The following HMGN5 variants were observed in gnomAD, a reference collection of about 807,000 sequenced individuals.
HMGN5 encodes high mobility group nucleosome-binding domain-containing protein 5.
A neutral mutation model predicts 9.5 loss-of-function variants in HMGN5; 4 were observed. The observed-to-expected ratio is 0.42, with a 90% CI of 0.21 to 0.96. HMGN5 has a LOEUF of 0.96. Among genes scored for constraint, HMGN5 ranks in the 40% least tolerant of loss-of-function variants. HMGN5 has a pLI of 0.30. For missense variants in HMGN5, 192 were observed against 187.5 expected, an observed-to-expected ratio of 1.02 and a Z score of -0.14; for synonymous variants, 55 against 57.1, an observed-to-expected ratio of 0.96 and a Z score of 0.16.
intron 1 of HMGN5, among the ~76,000 whole-genome samples, chrX:81,186,775 A>G (rs915749976): frequency 1.1e-4 from 12 of 111,485 alleles, no homozygotes; most frequent in African/African-American, 3.9e-4. Flanking sequence ...TAAAATAAGC[A>G]CATCTTTACA....
chrX:81,137,369 T>C (rs890327071), intron 1 of HMGN5, among the ~76,000 whole-genome samples: 1 of 111,784 alleles, frequency 8.9e-6, no homozygotes, highest in African/African-American at 3.2e-5. Flanking sequence ...ATTGAAATGA[T>C]ACAGATATGT....
At chrX:81,149,894 C>T (rs2075356065) in intron 1 of HMGN5, among the ~76,000 whole-genome samples, 1 of 111,796 alleles carries the variant, frequency 8.9e-6, no homozygotes, top group Non-Finnish European at 1.9e-5. Context: ...ACCTGGAGCA[C>T]CTGGATTTAT....
intron 1 of HMGN5, among the ~76,000 whole-genome samples, chrX:81,172,710 A>C (rs987141270): frequency 2.7e-5 from 3 of 111,217 alleles, no homozygotes; most frequent in African/African-American, 6.5e-5. Context: ...CAAAAAATTT[A>C]CATGATCATA....
chrX:81,117,960 C>T (rs1265321807), intron 5 of HMGN5, among the ~76,000 whole-genome samples: 2 of 110,216 alleles, frequency 1.8e-5, no homozygotes, highest in African/African-American at 6.6e-5. Flanking sequence ...TAAGTCCATA[C>T]AAAATCAATT....
intron 1 of HMGN5, among the ~76,000 whole-genome samples, chrX:81,132,447 C>A (rs1021743045): frequency 9.0e-6 from 1 of 111,677 alleles, no homozygotes; most frequent in Non-Finnish European, 1.9e-5. Context: ...CATCATGCTA[C>A]CCGACTTCAA....
chrX:81,179,453 T>C (rs995947925), intron 1 of HMGN5, among the ~76,000 whole-genome samples: 1 of 111,175 alleles, frequency 9.0e-6, no homozygotes, highest in East Asian at 2.8e-4. Flanking sequence ...CCATTCACAA[T>C]TGCTAAAAAG....
intron 5 of HMGN5, 147 bp downstream of exon 5, chrX:81,118,285 G>C: frequency 2.7e-6 from 1 of 369,917 alleles, no homozygotes. Context: ...CCACCCAAGG[G>C]GTTTACATGT....
At chrX:81,127,842 C>G (rs1255345814) in intron 1 of HMGN5, among the ~76,000 whole-genome samples, 3 of 111,405 alleles carry the variant, frequency 2.7e-5, no homozygotes, top group Non-Finnish European at 5.7e-5. Flanking sequence ...AATTGGCAAT[C>G]TTTGCTATTG....
intron 1 of HMGN5, among the ~76,000 whole-genome samples, chrX:81,199,539 C>A (rs1383574723): frequency 3.6e-5 from 4 of 111,638 alleles, no homozygotes; most frequent in African/African-American, 1.3e-4. Context: ...ATATATAGAC[C>A]AATGGAACAG....
At chrX:81,192,966 G>C (rs1006325478) in intron 1 of HMGN5, among the ~76,000 whole-genome samples, 12 of 110,268 alleles carry the variant, frequency 1.1e-4, no homozygotes, top group Non-Finnish European at 2.3e-4. Flanking sequence ...TATTTTTTTA[G>C]GTAAGATTAT....
chrX:81,187,910 AG>A (rs1338848776), intron 1 of HMGN5, among the ~76,000 whole-genome samples: 2 of 111,314 alleles, frequency 1.8e-5, no homozygotes, highest in Non-Finnish European at 3.8e-5. Flanking sequence ...ACCTTACAAG[AG>A]GTTACTATCT....
At chrX:81,124,929 G>T (rs1362559450) in intron 1 of HMGN5, among the ~76,000 whole-genome samples, 1 of 110,564 alleles carries the variant, frequency 9.0e-6, no homozygotes, top group East Asian at 2.8e-4. Flanking sequence ...AGTTAAAAAT[G>T]ACACAGGAAG....
At chrX:81,186,669 CTTTAAT>C (rs952484017) in intron 1 of HMGN5, among the ~76,000 whole-genome samples, 3 of 110,029 alleles carry the variant, frequency 2.7e-5, no homozygotes, top group Non-Finnish European at 5.7e-5. Flanking sequence ...AGTTCTTTGA[CTTTAAT>C]TTTAATTTTT....
intron 1 of HMGN5, among the ~76,000 whole-genome samples, chrX:81,182,729 T>G (rs1303133026): frequency 8.9e-6 from 1 of 112,345 alleles, no homozygotes; most frequent in African/African-American, 3.2e-5. Context: ...ATAAGCCAAT[T>G]AAACCTCATT....
intron 1 of HMGN5, among the ~76,000 whole-genome samples, chrX:81,157,535 A>G (rs750537075): frequency 1.8e-5 from 2 of 111,451 alleles, no homozygotes; most frequent in South Asian, 7.6e-4. Context: ...CAAAACTGGA[A>G]CTTTTAAACA....
intron 1 of HMGN5, among the ~76,000 whole-genome samples, chrX:81,132,806 C>T (rs781569433): frequency 9.0e-6 from 1 of 111,493 alleles, no homozygotes; most frequent in African/African-American, 3.3e-5. Flanking sequence ...ACAACAAAGA[C>T]ACCAAAAGCA....
At chrX:81,175,453 T>C (rs972302056) in intron 1 of HMGN5, among the ~76,000 whole-genome samples, 1 of 111,517 alleles carries the variant, frequency 9.0e-6, no homozygotes, top group African/African-American at 3.3e-5. Flanking sequence ...TTTCTTTATT[T>C]GTAGAGTTAC....
chrX:81,173,383 C>T (rs1020787117), intron 1 of HMGN5, among the ~76,000 whole-genome samples: 2 of 110,921 alleles, frequency 1.8e-5, no homozygotes, highest in Non-Finnish European at 3.8e-5. Flanking sequence ...CTCGAAGTAG[C>T]CACAATATTG....
intron 1 of HMGN5, among the ~76,000 whole-genome samples, chrX:81,129,506 A>AT (rs771758510): frequency 1.8e-5 from 2 of 109,808 alleles, no homozygotes; most frequent in African/African-American, 3.3e-5. Context: ...TAATAGTGAT[A>AT]TTTTTTTCTA....
Sources: allele counts gnomAD v4.1 joint callset (sites outside exome capture counted in the v4.1 genomes callset), GRCh38; gene constraint gnomAD v4.1.1; transcripts MANE v1.5; gene names NCBI Gene and HGNC (gene_info 2026-07-23, HGNC 2026-07-21).